Variants in MYO3B observed in about 807,000 individuals in gnomAD.
MYO3B encodes the protein myosin-IIIb.
MYO3B carries 156 observed loss-of-function variants against 174.6 expected under a neutral mutation model. That is an observed-to-expected ratio of 0.89 (90% CI 0.78 to 1.02). The LOEUF (loss-of-function observed/expected upper bound fraction) is 1.02, where lower values mean the gene tolerates loss of function less well. Ranked by LOEUF, MYO3B falls within the 50% of genes least tolerant of loss-of-function variation. The pLI is 0.00. For missense variants in MYO3B, 1,632 were observed against 1,639.4 expected (o/e 1.00, Z 0.08); for synonymous variants, 563 against 569.1 (o/e 0.99, Z 0.15).
intron 32 of MYO3B, among the ~76,000 whole-genome samples, chr2:170,621,143 C>A (rs1183421210): frequency 1.3e-5 from 2 of 152,234 alleles, no homozygotes; most frequent in African/African-American, 4.8e-5. Context: ...CCCGCCTCGG[C>A]CTCCCAAAGT....
chr2:170,368,697 C>T (rs2094216387), intron 8 of MYO3B, among the ~76,000 whole-genome samples: 1 of 152,150 alleles, frequency 6.6e-6, no homozygotes, highest in Admixed American at 6.5e-5. Flanking sequence ...CTTCAGAAGA[C>T]ATTAGAAATC....
intron 7 of MYO3B, among the ~76,000 whole-genome samples, chr2:170,281,629 C>G (rs942425400): frequency 6.6e-6 from 1 of 152,018 alleles, no homozygotes; most frequent in Non-Finnish European, 1.5e-5. Context: ...TAAATGCCCA[C>G]GTCAAAAAGT....
At position 170,529,843 on chromosome 2, in the gene MYO3B, C is replaced by T. The variant is rs560035471; in HGVS notation, c.3575+10303C>T. Among the ~76,000 whole-genome samples the T allele has an allele frequency of 2.6e-5, 4 of 152,316 alleles. No homozygotes were observed. In the South Asian group the frequency reaches 8.3e-4, roughly 32 times the overall value. On this transcript the variant is annotated intron_variant, in intron 30 of 34. Transcript: ENST00000408978. Reference sequence around the variant, plus strand: ...TAATGAAACCTAGATTATAATCCTACATGTTGAAAGAAGATTAACTTTGTA... The same window carrying T: ...TAATGAAACCTAGATTATAATCCTATATGTTGAAAGAAGATTAACTTTGTA...
At chr2:170,463,717 G>A (rs898011437) in intron 24 of MYO3B, among the ~76,000 whole-genome samples, 3 of 138,770 alleles carry the variant, frequency 2.2e-5, no homozygotes, top group Non-Finnish European at 3.3e-5. Context: ...TAGTAAAGTA[G>A]TTAATAAAGT....
chr2:170,355,867 CTCTTGTCTCTTTGTGT>C lies in MYO3B; in HGVS notation c.816-13353_816-13338del, dbSNP rs1157823444. 7.2e-5 allele frequency among the ~76,000 whole-genome samples: 11 copies of C among 152,232 alleles called. No individual in the cohort carries two copies. In the East Asian group the frequency reaches 1.9e-3, roughly 27 times the overall value. ...TTTAGCAATGGATTAAGACAGATGG[CTCTTGTCTCTTTGTGT>C]TGGCCACCCAGGGAGAATTTTTTTT... On this transcript the variant is annotated intron_variant, in intron 8 of 34. Coordinates refer to ENST00000408978, the MANE Select transcript of MYO3B (RefSeq NM_138995.5).
At chr2:170,254,503 C>T (rs2105337109) in intron 7 of MYO3B, among the ~76,000 whole-genome samples, 1 of 152,272 alleles carries the variant, frequency 6.6e-6, no homozygotes, top group East Asian at 1.9e-4. Context: ...CCTGGCTGCT[C>T]CCACAAGAGG....
intron 19 of MYO3B, 53 bp downstream of exon 19, chr2:170,403,048 G>A (rs2094488292): frequency 4.0e-6 from 6 of 1,512,410 alleles, no homozygotes; most frequent in Non-Finnish European, 5.4e-6. Context: ...GTGTCTCCAA[G>A]CTGCCCACAA....
intron 32 of MYO3B, among the ~76,000 whole-genome samples, chr2:170,619,520 T>G (rs1695713791): frequency 6.6e-6 from 1 of 152,056 alleles, no homozygotes. Flanking sequence ...AGAGCTGCAG[T>G]CTCATGTGAA....
At chr2:170,357,022 A>G (rs2094127392) in intron 8 of MYO3B, among the ~76,000 whole-genome samples, 1 of 152,098 alleles carries the variant, frequency 6.6e-6, no homozygotes, top group Non-Finnish European at 1.5e-5. Context: ...GGCTCAAGCA[A>G]TATTCCTGGC....
At chr2:170,396,295 T>C (rs1558958459) in intron 16 of MYO3B, among the ~76,000 whole-genome samples, 1 of 152,114 alleles carries the variant, frequency 6.6e-6, no homozygotes, top group African/African-American at 2.4e-5. Context: ...TGGCTGTCTG[T>C]TGGGGAGACA....
intron 22 of MYO3B, among the ~76,000 whole-genome samples, chr2:170,439,428 G>A (rs1363086390): frequency 6.6e-6 from 1 of 151,952 alleles, no homozygotes; most frequent in Non-Finnish European, 1.5e-5. Flanking sequence ...CTATTGAGTT[G>A]TAGGAGTTCC....
In MYO3B at chr2:170,423,836, C is replaced by T. The variant is rs1384536268; in HGVS notation, c.2650+15992C>T. On this transcript the variant is annotated intron_variant, in intron 22 of 34. Transcript: ENST00000408978. ...CTTCGTGATCCGCCTGCCTTGGCCT[C>T]CCAAATTACTGGGATCATAGGCATG... 3.4e-4 allele frequency among the ~76,000 whole-genome samples: 51 copies of T among 152,150 alleles called. 1 individual carries two copies. The highest frequency in any genetic ancestry group is 3.3e-3 in the Admixed American group (51 of 15,272).
At chr2:170,421,771 G>A (rs1003847775) in intron 22 of MYO3B, among the ~76,000 whole-genome samples, 1 of 152,172 alleles carries the variant, frequency 6.6e-6, no homozygotes, top group African/African-American at 2.4e-5. Context: ...TTATTGAGGG[G>A]AAAATACGTG....
chr2:170,275,277 G>C (rs1002051273), intron 7 of MYO3B, among the ~76,000 whole-genome samples: 2 of 152,176 alleles, frequency 1.3e-5, no homozygotes, highest in African/African-American at 4.8e-5. Flanking sequence ...TATGAAGGTT[G>C]CATTCCCAAA....
At chr2:170,369,657 T>C (rs2094225422) in intron 9 of MYO3B, among the ~76,000 whole-genome samples, 1 of 149,096 alleles carries the variant, frequency 6.7e-6, no homozygotes, top group African/African-American at 2.5e-5. Context: ...TCAACAAATA[T>C]ATATATTTAC....
At chr2:170,282,939 G>A (rs1052565947) in intron 7 of MYO3B, among the ~76,000 whole-genome samples, 2 of 152,128 alleles carry the variant, frequency 1.3e-5, no homozygotes, top group African/African-American at 4.8e-5. Context: ...GTGGGCTAGA[G>A]TTCTGGGGAC....
chr2:170,321,306 A>G (rs995852793), intron 7 of MYO3B, among the ~76,000 whole-genome samples: 1 of 152,238 alleles, frequency 6.6e-6, no homozygotes, highest in Non-Finnish European at 1.5e-5. Flanking sequence ...ATAAAATAGA[A>G]GTAGAAATTA....
At chr2:170,504,862 A>G (rs761159333) in intron 28 of MYO3B, among the ~76,000 whole-genome samples, 10 of 152,146 alleles carry the variant, frequency 6.6e-5, no homozygotes, top group Non-Finnish European at 1.2e-4. Context: ...AGCAGGTTTC[A>G]GTGATTCTGA....
intron 32 of MYO3B, among the ~76,000 whole-genome samples, chr2:170,573,646 C>G (rs1451737245): frequency 6.6e-6 from 1 of 151,982 alleles, no homozygotes; most frequent in Non-Finnish European, 1.5e-5. Flanking sequence ...TAAATAAGCT[C>G]TAAGGGGAGG....
Sources: allele counts gnomAD v4.1 joint callset (sites outside exome capture counted in the v4.1 genomes callset), GRCh38; gene constraint gnomAD v4.1.1; transcripts MANE v1.5; gene names NCBI Gene and HGNC (gene_info 2026-07-23, HGNC 2026-07-21).